The following RALGDS variants were observed in gnomAD, a reference collection of about 807,000 sequenced individuals.
RALGDS encodes ral guanine nucleotide exchange factor.
In RALGDS, 44 loss-of-function variants were observed where a neutral mutation model predicts 99.8. That is an observed-to-expected ratio of 0.44 (90% confidence interval 0.35 to 0.57). RALGDS has a LOEUF of 0.57. Among genes scored for constraint, RALGDS ranks in the 20% least tolerant of loss-of-function variants. The probability of loss-of-function intolerance (pLI) is 0.01; values close to 1 mark genes in which losing one functional copy is unlikely to be tolerated. For missense variants in RALGDS, 1,022 were observed against 1,203.1 expected, an observed-to-expected ratio of 0.85 and a Z score of 2.23; for synonymous variants, 529 against 505.0, an observed-to-expected ratio of 1.05 and a Z score of -0.64.
At chr9:133,110,851 G>A (rs1831305266) in intron 2 of RALGDS, among the ~76,000 whole-genome samples, 1 of 152,156 alleles carries the variant, frequency 6.6e-6, no homozygotes, top group African/African-American at 2.4e-5. Context: ...GGAGGCTGAG[G>A]TGGGCAAATT....
chr9:133,133,701 C>T (rs1317551578), upstream of RALGDS, among the ~76,000 whole-genome samples: 1 of 152,222 alleles, frequency 6.6e-6, no homozygotes, highest in African/African-American at 2.4e-5. Flanking sequence ...ACCCTGACCC[C>T]AGGCTTCTCC....
At chr9:133,120,641 G>A (rs1189084193) in intron 1 of RALGDS, among the ~76,000 whole-genome samples, 3 of 152,180 alleles carry the variant, frequency 2.0e-5, no homozygotes, top group Non-Finnish European at 4.4e-5. Flanking sequence ...ATAAGGCACA[G>A]GCCACCGATG....
chr9:133,109,805 T>C, intron 3 of RALGDS, 84 bp from the exon 4 acceptor site: 2 of 1,039,594 alleles, frequency 1.9e-6, no homozygotes, highest in Non-Finnish European at 3.0e-6. Flanking sequence ...TTTTGCTTTT[T>C]TTCATCAAAT....
At position 133,137,535 on chromosome 9, in the gene RALGDS, G is replaced by A. The variant is rs575427041; in HGVS notation, c.18+11428C>T. Among the ~76,000 whole-genome samples, 119 of 152,362 alleles carry A rather than the reference G, an allele frequency of 7.8e-4. 1 individual carries two copies. Among genetic ancestry groups the A allele is most frequent in the African/African-American group, 2.4e-3 (101 of 41,586 alleles). On this transcript the variant is annotated intron_variant, in intron 1 of 17. Transcript: ENST00000393160. ...CCGGAGGGCCAGGGAAGGGCGGGGC[G>A]CCTCTGCTCACCTGGCTCCCTCCCA...
At position 133,105,816 on chromosome 9, in the gene RALGDS, G is replaced by GCCC. The variant is rs1564231807; in HGVS notation, c.1602+115_1602+116insGGG. The stretch of plus-strand genomic sequence containing the variant: ...CAGCAAGAAGCGAATGCCACCGCCC[G>GCCC]CCGCCCCAGCCCCCGCCCCAGCCCC... On this transcript the variant is annotated intron_variant, in intron 9 of 17. Transcript: ENST00000372050. 9.4e-5 allele frequency: 25 copies of GCCC among 265,976 alleles called. No individual in the cohort carries two copies. The African/African-American group carries it at 1.1e-3, about 12-fold the overall frequency. 16.5% of individuals were successfully genotyped at this position (265,976 alleles called of 1,614,324 possible).
chr9:133,120,099 C>G (rs1317389925), intron 1 of RALGDS, among the ~76,000 whole-genome samples: 1 of 152,174 alleles, frequency 6.6e-6, no homozygotes, highest in Non-Finnish European at 1.5e-5. Context: ...CCAGGCAGAG[C>G]AGGGCGAGGG....
intron 1 of RALGDS, chr9:133,129,167 G>A: frequency 6.3e-7 from 1 of 1,596,542 alleles, no homozygotes; most frequent in African/African-American, 1.3e-5. Flanking sequence ...TGGCAGAGGT[G>A]CCAGCCAAGG....
upstream of RALGDS, among the ~76,000 whole-genome samples, chr9:133,121,405 C>G (rs1347612689): frequency 6.6e-6 from 1 of 150,754 alleles, no homozygotes; most frequent in Non-Finnish European, 1.5e-5. Context: ...GGACCGGGAG[C>G]CTGGAGGGGC....
Position 133,104,399 on chromosome 9 carries a change from T to A in RALGDS, c.1603-68A>T, listed in dbSNP as rs557321969. ...AGCCCTCAGGCACCCTGACCTGGGG[T>A]GCTGCCAGTGTGGTCGGGTTCCAGG... On this transcript the variant is annotated intron_variant, in intron 9 of 17. Coordinates refer to ENST00000372050, the MANE Select transcript of RALGDS (RefSeq NM_006266.4). 2.5e-5 allele frequency: 36 copies of A among 1,415,660 alleles called. No individual in the cohort carries two copies. The African/African-American group carries it at 4.4e-4, about 17-fold the overall frequency. The allele number at this position is 1,415,660 out of a possible 1,614,324, so 87.7% of individuals were successfully genotyped here.
upstream of RALGDS, chr9:133,121,271 A>T (rs892491632): frequency 4.2e-6 from 4 of 943,038 alleles, no homozygotes; most frequent in Non-Finnish European, 5.0e-6. Flanking sequence ...TGCTGATGTC[A>T]GGCTGGGGGG....
chr9:133,122,696 T>A (rs1831992721), upstream of RALGDS, among the ~76,000 whole-genome samples: 3 of 152,280 alleles, frequency 2.0e-5, no homozygotes, highest in Non-Finnish European at 2.9e-5. Flanking sequence ...AGTATTTTAA[T>A]AATCAGCTCT....
intron 9 of RALGDS, among the ~76,000 whole-genome samples, chr9:133,104,798 C>A (rs141799652): frequency 3.1e-4 from 47 of 152,212 alleles, no homozygotes; most frequent in African/African-American, 1.1e-3. Flanking sequence ...GGAGACAGAG[C>A]GAGACTCCTT....
chr9:133,120,002 G>A (rs1831838604), intron 1 of RALGDS, among the ~76,000 whole-genome samples: 1 of 152,212 alleles, frequency 6.6e-6, no homozygotes, highest in Non-Finnish European at 1.5e-5. Context: ...GGACTCAGGA[G>A]GTTCACTGTG....
At chr9:133,122,105 G>A (rs539950716), upstream of RALGDS, among the ~76,000 whole-genome samples, 46 of 152,380 alleles carry the variant, frequency 3.0e-4, no homozygotes, top group African/African-American at 1.1e-3. Flanking sequence ...TGCGTGGCCT[G>A]TCAGCTGGGG....
chr9:133,124,175 C>T (rs1372908315), upstream of RALGDS, among the ~76,000 whole-genome samples: 1 of 150,238 alleles, frequency 6.7e-6, no homozygotes, highest in Non-Finnish European at 1.5e-5. Flanking sequence ...GACAGAGACA[C>T]AGACACACAC....
In RALGDS at chr9:133,098,742, C is replaced by T. The variant is rs746897111; in HGVS notation, c.2590G>A (p.Ala864Thr). The change falls in exon 18 of 18, where the codon GCC (alanine) becomes ACC (threonine). Residue 864 changes from alanine (A) to threonine (T), a missense_variant. Physicochemically the swap from Ala to Thr is moderately conservative, Grantham distance 58. Coordinates refer to ENST00000372050, the MANE Select transcript of RALGDS (RefSeq NM_006266.4). Reference sequence around the variant, plus strand: ...GAGTTCATGGCATAGAAGACGTTGGCGTTTTCAGGGATCTTCAGCTCTGGT... The same window carrying T: ...GAGTTCATGGCATAGAAGACGTTGGTGTTTTCAGGGATCTTCAGCTCTGGT... ...DDRKLKIPENANVFYAMNSTA... is the reference protein window; with the variant it reads ...DDRKLKIPENTNVFYAMNSTA... The T allele has an allele frequency of 1.2e-6, 2 of 1,613,962 alleles. No individual in the cohort carries two copies. Among genetic ancestry groups the T allele is most frequent in the Non-Finnish European group, 8.5e-7 (1 of 1,179,986 alleles).
intron 1 of RALGDS, among the ~76,000 whole-genome samples, chr9:133,142,489 G>A (rs992730327): frequency 7.9e-5 from 12 of 152,114 alleles, no homozygotes; most frequent in Admixed American, 4.6e-4. Context: ...GGGTTGCCAC[G>A]GGAACACTCC....
chr9:133,109,270 G>A (rs547297362), intron 4 of RALGDS, among the ~76,000 whole-genome samples: 63 of 152,290 alleles, frequency 4.1e-4, no homozygotes, highest in Middle Eastern at 6.8e-3. Context: ...CCTGCCCACT[G>A]AGCACTCACT....
intron 1 of RALGDS, among the ~76,000 whole-genome samples, chr9:133,116,466 G>A (rs765406329): frequency 9.2e-5 from 14 of 152,216 alleles, no homozygotes; most frequent in Non-Finnish European, 1.9e-4. Context: ...TGGGAAAATC[G>A]TGCCTCAAGC....
Sources: allele counts gnomAD v4.1 joint callset (sites outside exome capture counted in the v4.1 genomes callset), GRCh38; gene constraint gnomAD v4.1.1; transcripts MANE v1.5; gene names NCBI Gene and HGNC (gene_info 2026-07-23, HGNC 2026-07-21).